The following PCDHGA1 variants were observed in gnomAD, a reference collection of about 807,000 sequenced individuals.
The protein encoded by PCDHGA1 is protocadherin gamma-A1.
PCDHGA1 carries 32 observed loss-of-function variants against 58.0 expected under a neutral mutation model. The ratio of observed to expected loss-of-function variants is 0.55; its 90% confidence interval spans 0.42 to 0.74. The LOEUF is 0.74. PCDHGA1 is among the 30% of genes least tolerant of loss of function. The pLI is 0.00. For missense variants in PCDHGA1, 1,205 were observed against 1,182.3 expected, an observed-to-expected ratio of 1.02 and a Z score of -0.28; for synonymous variants, 498 against 501.1, an observed-to-expected ratio of 0.99 and a Z score of 0.08.
chr5:141,377,011 C>T (rs911303450), intron 1 of PCDHGA1: 6 of 155,270 alleles, frequency 3.9e-5, no homozygotes, highest in Non-Finnish European at 5.7e-5. Context: ...TATTGGTTGA[C>T]AGGAAAATTC....
intron 1 of PCDHGA1, chr5:141,356,491 C>A: frequency 6.2e-7 from 1 of 1,613,958 alleles, no homozygotes; most frequent in South Asian, 1.1e-5. Flanking sequence ...GGGAACTCCT[C>A]CACTGTCTAC....
intron 1 of PCDHGA1, among the ~76,000 whole-genome samples, chr5:141,435,150 C>G (rs1256233613): frequency 6.6e-6 from 1 of 152,006 alleles, no homozygotes; most frequent in Non-Finnish European, 1.5e-5. Context: ...TTGTGATAAA[C>G]TTTTGTAAAT....
intron 2 of PCDHGA1, among the ~76,000 whole-genome samples, chr5:141,503,596 C>T (rs1267014587): frequency 7.7e-6 from 1 of 129,694 alleles, no homozygotes; most frequent in African/African-American, 3.3e-5. Context: ...GAGACTCCAG[C>T]TCAAAAAAAA....
At chr5:141,337,595 G>C (rs1756695059) in intron 1 of PCDHGA1, among the ~76,000 whole-genome samples, 1 of 152,212 alleles carries the variant, frequency 6.6e-6, no homozygotes, top group African/African-American at 2.4e-5. Context: ...AAAAAAGGTA[G>C]AATGGTAGTT....
rs759410218 is a variant in PCDHGA1, at chr5:141,332,001, A to C, written c.1317A>C (p.Ser439=). 3.1e-6 allele frequency: 5 copies of C among 1,614,182 alleles called. No homozygotes were observed. The highest frequency in any genetic ancestry group is 1.1e-5 in the South Asian group (1 of 91,084). The stretch of plus-strand genomic sequence containing the variant: ...CTCTATCTACTGAAACTCACATTTC[A>C]CTACTAGTGACAGATATCAATGACA... ...TPALSTETHI[S]LLVTDINDNS... is the part of the protein sequence containing the mutation. Residue 439 remains serine, a synonymous_variant, in exon 1 of 4, where the codon TCA becomes TCC. Coordinates refer to ENST00000517417, the MANE Select transcript of PCDHGA1 (RefSeq NM_018912.3). This position sits in a 1 kb window ranked among gnomAD's most constrained non-coding sequence, Gnocchi z 4.6.
Position 141,365,210 on chromosome 5 carries a change from C to T in PCDHGA1, c.2421+32105C>T, listed in dbSNP as rs376872993. 14 of 1,613,810 alleles carry T rather than the reference C, an allele frequency of 8.7e-6. No homozygotes were observed. The African/African-American group carries it at 1.3e-4, about 15-fold the overall frequency. On this transcript the variant is annotated intron_variant, in intron 1 of 3. Coordinates refer to ENST00000517417, the MANE Select transcript of PCDHGA1 (RefSeq NM_018912.3). ...AGAAAAAATTTCGGAGACTTTCCAA[C>T]TTGATTCCAACCTGGGGGAAATCTC...
chr5:141,392,774 C>G (rs752798314), intron 1 of PCDHGA1: 1 of 1,520,452 alleles, frequency 6.6e-7, no homozygotes, highest in East Asian at 2.3e-5. Context: ...CCCATTTATG[C>G]ACAGTGAAGA....
intron 1 of PCDHGA1, chr5:141,403,246 G>C: frequency 6.2e-7 from 1 of 1,613,930 alleles, no homozygotes; most frequent in South Asian, 1.1e-5. Flanking sequence ...TCTGTGCTCA[G>C]AGCCCGCGGT....
chr5:141,426,559 C>T (rs1401963895), intron 1 of PCDHGA1: 1 of 353,038 alleles, frequency 2.8e-6, no homozygotes, highest in Non-Finnish European at 5.6e-6. Context: ...CAGAATAGAT[C>T]GAGAGTCACT....
intron 1 of PCDHGA1, chr5:141,420,319 G>T (rs1393746531): frequency 7.0e-7 from 1 of 1,437,422 alleles, no homozygotes; most frequent in African/African-American, 1.4e-5. Context: ...ATTACAATAT[G>T]CCAATATATT....
At chr5:141,423,758 G>GGGC (rs1554116874) in intron 1 of PCDHGA1, 82 of 366,752 alleles carry the variant, frequency 2.2e-4, no homozygotes, top group Middle Eastern at 4.2e-4. Context: ...TTTGGGGGGG[G>GGGC]GGTGGGGCGG....
rs191165530 is a variant in PCDHGA1 at position 141,439,134 on chromosome 5, A to T, written c.2422-55673A>T. On this transcript the variant is annotated intron_variant, in intron 1 of 3. Coordinates refer to ENST00000517417, the MANE Select transcript of PCDHGA1 (RefSeq NM_018912.3). The stretch of plus-strand genomic sequence containing the variant: ...CTTGAACCCGGGAGACAGAGGTTGC[A>T]GTGAGCTGAGATCACGCCACTGCAC... Among the ~76,000 whole-genome samples the T allele has an allele frequency of 2.4e-3, 368 of 151,344 alleles. 1 individual carries two copies. Among genetic ancestry groups the T allele is most frequent in the African/African-American group, 8.5e-3 (349 of 41,216 alleles).
intron 1 of PCDHGA1, chr5:141,409,747 C>T (rs771456718): frequency 1.2e-6 from 2 of 1,612,994 alleles, no homozygotes; most frequent in East Asian, 2.2e-5. Flanking sequence ...GGGTGGTGTT[C>T]GCGCAGCGCG....
intron 1 of PCDHGA1, chr5:141,399,984 A>C (rs1310810422): frequency 1.2e-6 from 2 of 1,612,296 alleles, no homozygotes; most frequent in Non-Finnish European, 8.5e-7. Context: ...GGCTGCGCAC[A>C]GGAGAGGTGC....
intron 1 of PCDHGA1, among the ~76,000 whole-genome samples, chr5:141,469,967 C>G (rs2099217411): frequency 6.6e-6 from 1 of 152,124 alleles, no homozygotes; most frequent in Admixed American, 6.6e-5. Flanking sequence ...CCCATCTGTA[C>G]CAAAAATACA....
chr5:141,403,377 T>G lies in PCDHGA1; in HGVS notation c.2421+70272T>G. 6.2e-7 allele frequency: 1 copy of G among 1,614,016 alleles called. No homozygotes were observed. The highest frequency in any genetic ancestry group is 8.5e-7 in the Non-Finnish European group (1 of 1,179,900). On this transcript the variant is annotated intron_variant, in intron 1 of 3. Transcript: ENST00000517417. ...CAGGCCGAAAGTCTGGAAGTAAAAA[T>G]TAACGAAATCGCGGTTCCTGGAGCA... is the stretch of plus-strand genomic sequence containing the variant.
chr5:141,357,537 C>T lies in PCDHGA1; in HGVS notation c.2421+24432C>T, dbSNP rs951939582. The stretch of plus-strand genomic sequence containing the variant: ...CCCAACCCAGCTATGCAGACACGCT[C>T]ATCAGCCGGGAGAGTTGTGAGAAAA... On this transcript the variant is annotated intron_variant, in intron 1 of 3. Transcript: ENST00000517417. 4 of 1,614,116 alleles carry T rather than the reference C, an allele frequency of 2.5e-6. No individual in the cohort carries two copies. In the African/African-American group the frequency reaches 5.3e-5, roughly 22 times the overall value.
At chr5:141,344,512 C>T (rs1412560848) in intron 1 of PCDHGA1, 2 of 1,613,836 alleles carry the variant, frequency 1.2e-6, no homozygotes, top group African/African-American at 2.7e-5. Flanking sequence ...GCTTTTGACC[C>T]AGATGTAGGC....
At chr5:141,443,760 T>C (rs894568340) in intron 1 of PCDHGA1, among the ~76,000 whole-genome samples, 20 of 152,040 alleles carry the variant, frequency 1.3e-4, no homozygotes, top group African/African-American at 4.6e-4. Context: ...AAGCTTACAA[T>C]ATACAATATT....
Sources: gnomAD v4.1 joint callset for allele counts (sites outside exome capture counted in the v4.1 genomes callset) on GRCh38, gnomAD v4.1.1 for gene constraint, Gnocchi (gnomAD v3.1) non-coding constraint, MANE v1.5 for transcripts, NCBI Gene and HGNC (gene_info 2026-07-23, HGNC 2026-07-21) for gene names.